Variants in AUTS2 observed in about 807,000 individuals in gnomAD.
AUTS2 encodes autism susceptibility gene 2 protein.
A neutral mutation model predicts 112.4 loss-of-function variants in AUTS2; 17 were observed. The observed-to-expected ratio is 0.15, with a 90% CI of 0.10 to 0.23. The LOEUF is 0.23. Among genes scored for constraint, AUTS2 ranks in the 10% least tolerant of loss-of-function variants. The probability of loss-of-function intolerance (pLI) is 1.00; values close to 1 mark genes in which losing one functional copy is unlikely to be tolerated. For missense variants in AUTS2, 1,510 were observed against 1,701.6 expected (o/e 0.89, Z 1.98); for synonymous variants, 751 against 702.7 (o/e 1.07, Z -1.09).
rs541257072 is a variant in AUTS2 at position 70,540,224 on chromosome 7, G to T, written c.690+104443G>T. ...TGTGATATTGTTGGTGGAGGTGGTG[G>T]TCATTCTCTTGGATTTGCAGAAGTT... is the stretch of plus-strand genomic sequence containing the variant. On this transcript the variant is annotated intron_variant, in intron 5 of 18. Transcript: ENST00000342771. 7.2e-5 allele frequency among the ~76,000 whole-genome samples: 11 copies of T among 152,248 alleles called. No individual in the cohort carries two copies. In the South Asian group the frequency reaches 1.7e-3, roughly 23 times the overall value.
intron 5 of AUTS2, among the ~76,000 whole-genome samples, chr7:70,461,465 G>A (rs748361639): frequency 4.6e-5 from 7 of 152,116 alleles, no homozygotes; most frequent in African/African-American, 1.4e-4. Flanking sequence ...AGTGGGATCC[G>A]AGTCCCTGCG....
intron 5 of AUTS2, among the ~76,000 whole-genome samples, chr7:70,666,891 A>C (rs2107941): frequency 6.6e-6 from 1 of 151,114 alleles, no homozygotes; most frequent in Non-Finnish European, 1.5e-5. Context: ...ACAGGAGAGC[A>C]TCACTCCCAG....
intron 1 of AUTS2, among the ~76,000 whole-genome samples, chr7:69,868,659 ATT>A (rs1793345474): frequency 6.6e-6 from 1 of 152,184 alleles, no homozygotes; most frequent in African/African-American, 2.4e-5. Flanking sequence ...ATACGTTCTG[ATT>A]TGATTCTCCT....
At chr7:70,428,248 A>G (rs553920984) in intron 4 of AUTS2, among the ~76,000 whole-genome samples, 78 of 152,312 alleles carry the variant, frequency 5.1e-4, no homozygotes, top group African/African-American at 1.8e-3. Context: ...CAATGTAAAC[A>G]GTGTGAAATT....
intron 5 of AUTS2, among the ~76,000 whole-genome samples, chr7:70,633,610 C>A (rs1283498387): frequency 4.6e-3 from 476 of 104,598 alleles, no homozygotes; most frequent in East Asian, 6.0e-3. Context: ...GACTCCGTCT[C>A]AAAAAAAAAA....
At chr7:70,080,055 T>A (rs1803227887) in intron 2 of AUTS2, among the ~76,000 whole-genome samples, 1 of 152,180 alleles carries the variant, frequency 6.6e-6, no homozygotes, top group African/African-American at 2.4e-5. Context: ...CCAACACTGT[T>A]GCACTTGGGG....
chr7:70,641,731 A>C (rs937915449), intron 5 of AUTS2, among the ~76,000 whole-genome samples: 1 of 152,130 alleles, frequency 6.6e-6, no homozygotes, highest in African/African-American at 2.4e-5. Context: ...ACCCAGCCTC[A>C]TGTGCCTGAT....
chr7:69,681,106 T>C (rs970208971), intron 1 of AUTS2, among the ~76,000 whole-genome samples: 6 of 152,256 alleles, frequency 3.9e-5, no homozygotes, highest in Non-Finnish European at 8.8e-5. Flanking sequence ...TAAGACTGAA[T>C]ACTGTTCCAT....
intron 5 of AUTS2, among the ~76,000 whole-genome samples, chr7:70,649,256 G>A (rs1456893549): frequency 6.7e-6 from 1 of 149,124 alleles, no homozygotes; most frequent in African/African-American, 2.6e-5. Flanking sequence ...GCAACATCAC[G>A]AAACCCCATG....
At chr7:70,488,962 AC>A (rs1171744810) in intron 5 of AUTS2, among the ~76,000 whole-genome samples, 1 of 152,174 alleles carries the variant, frequency 6.6e-6, no homozygotes, top group Non-Finnish European at 1.5e-5. Context: ...TTCACCAAGC[AC>A]TAGAAGAGGT....
At chr7:70,539,425 C>T (rs1019243881) in intron 5 of AUTS2, among the ~76,000 whole-genome samples, 1 of 152,124 alleles carries the variant, frequency 6.6e-6, no homozygotes, top group Non-Finnish European at 1.5e-5. Context: ...GGAACTAGGT[C>T]ATCAGGTTGT....
chr7:70,317,234 G>C (rs550587625), intron 4 of AUTS2, among the ~76,000 whole-genome samples: 1 of 152,206 alleles, frequency 6.6e-6, no homozygotes, highest in African/African-American at 2.4e-5. Flanking sequence ...GTCTGCTGGA[G>C]CATTTGTATA....
At chr7:69,922,453 G>T (rs550905796) in intron 2 of AUTS2, among the ~76,000 whole-genome samples, 64 of 152,288 alleles carry the variant, frequency 4.2e-4, no homozygotes, top group African/African-American at 1.5e-3. Context: ...CTTAAGCTTC[G>T]CTGCTTTCTT....
At chr7:70,768,317 A>C (rs1489138663) in intron 10 of AUTS2, among the ~76,000 whole-genome samples, 1 of 152,246 alleles carries the variant, frequency 6.6e-6, no homozygotes, top group Admixed American at 6.5e-5. Context: ...AGTGGCAGTC[A>C]GGCATCTGTC....
intron 5 of AUTS2, among the ~76,000 whole-genome samples, chr7:70,588,066 CA>C (rs1374152468): frequency 6.6e-6 from 1 of 152,132 alleles, no homozygotes; most frequent in Non-Finnish European, 1.5e-5. Flanking sequence ...ACTTTGAGAT[CA>C]AAGATGGTTG....
At chr7:70,714,937 G>A (rs887244311) in intron 6 of AUTS2, among the ~76,000 whole-genome samples, 2 of 152,158 alleles carry the variant, frequency 1.3e-5, no homozygotes, top group African/African-American at 2.4e-5. Flanking sequence ...ACTTGCATTG[G>A]CATGTTCCCC....
chr7:69,702,204 C>A lies in AUTS2; in HGVS notation c.309+102242C>A, dbSNP rs555524624. Among the ~76,000 whole-genome samples, 14 of 152,248 alleles carry A rather than the reference C, an allele frequency of 9.2e-5. No individual in the cohort carries two copies. In the South Asian group the frequency reaches 2.9e-3, roughly 32 times the overall value. ...ATTAGTTGCTGGTAAGGAAGGAGCT[C>A]ATTTTGGGGAAAGTAGGTACATAGA... is the stretch of plus-strand genomic sequence containing the variant. On this transcript the variant is annotated intron_variant, in intron 1 of 18. Coordinates refer to ENST00000342771, the MANE Select transcript of AUTS2 (RefSeq NM_015570.4).
chr7:70,129,282 A>C (rs987636825), intron 3 of AUTS2, among the ~76,000 whole-genome samples: 3 of 152,194 alleles, frequency 2.0e-5, no homozygotes, highest in Non-Finnish European at 2.9e-5. Flanking sequence ...CCCAGGTCAA[A>C]GCCAGGCAAA....
chr7:70,473,890 A>G (rs3113260), intron 5 of AUTS2, among the ~76,000 whole-genome samples: 5,652 of 152,076 alleles, frequency 0.037, 350 homozygotes, highest in African/African-American at 0.12. Context: ...TGAAGGTTCT[A>G]TGTTACCAGA....
Sources: allele counts gnomAD v4.1 joint callset (sites outside exome capture counted in the v4.1 genomes callset), GRCh38; gene constraint gnomAD v4.1.1; transcripts MANE v1.5; gene names NCBI Gene and HGNC (gene_info 2026-07-23, HGNC 2026-07-21).